TRPS1: variants seen among roughly 807,000 people sequenced by gnomAD.
The protein encoded by TRPS1 is transcriptional repressor GATA binding 1.
In TRPS1, 6 loss-of-function variants were observed where a neutral mutation model predicts 101.2. The ratio of observed to expected loss-of-function variants is 0.06; its 90% CI spans 0.03 to 0.12. The LOEUF is 0.12. Ranked by LOEUF, TRPS1 falls within the 10% of genes least tolerant of loss-of-function variation. The pLI is 1.00. For synonymous variants in TRPS1, 578 were observed against 589.8 expected, an observed-to-expected ratio of 0.98 and a Z score of 0.29; for missense variants, 1,363 against 1,567.0, an observed-to-expected ratio of 0.87 and a Z score of 2.20.
intron 5 of TRPS1, among the ~76,000 whole-genome samples, chr8:115,496,304 C>T (rs889272392): frequency 6.6e-6 from 1 of 152,144 alleles, no homozygotes; most frequent in Non-Finnish European, 1.5e-5. Context: ...CTCTTTTCAA[C>T]CAATGGGTTG....
chr8:115,413,905 G>A lies in TRPS1; in HGVS notation c.*118C>T, dbSNP rs1812847045. The A allele has an allele frequency of 1.0e-6, 1 of 988,688 alleles. No individual in the cohort carries two copies. Among genetic ancestry groups the A allele is most frequent in the African/African-American group, 1.7e-5 (1 of 60,550 alleles). The allele number at this position is 988,688 out of a possible 1,614,324, so 61.2% of individuals were successfully genotyped here. ...GAATAACAAAAGAAGGGAATTTCAT[G>A]TTGGATAAGGCAGGCTCTATGAAGT... On this transcript the variant is annotated 3_prime_UTR_variant, in exon 7 of 7. Transcript: ENST00000395715.
At position 115,433,424 on chromosome 8, in the gene TRPS1, T is replaced by C. The variant is rs115808696; in HGVS notation, c.2701-14972A>G. ...CTTTAGATAAATAGATAATATTTAG[T>C]ATTGCAACTAAATAATATTTAGTTT... On this transcript the variant is annotated intron_variant, in intron 5 of 6. Coordinates refer to ENST00000395715, the MANE Select transcript of TRPS1 (RefSeq NM_014112.5). Among the ~76,000 whole-genome samples, 370 of 152,216 alleles carry C rather than the reference T, an allele frequency of 2.4e-3. 3 individuals are homozygous for C. Among genetic ancestry groups the C allele is most frequent in the African/African-American group, 8.2e-3 (339 of 41,564 alleles).
chr8:115,584,674 G>A (rs1038115789), intron 5 of TRPS1, among the ~76,000 whole-genome samples: 1 of 150,846 alleles, frequency 6.6e-6, no homozygotes, highest in Non-Finnish European at 1.5e-5. Context: ...TTAGAGGTAG[G>A]TAATTCGGTA....
chr8:115,552,445 A>G (rs1816727209), intron 5 of TRPS1, among the ~76,000 whole-genome samples: 1 of 152,170 alleles, frequency 6.6e-6, no homozygotes. Context: ...CACATCATGA[A>G]AAAGCAATAA....
At chr8:115,451,773 A>G (rs1264301458) in intron 5 of TRPS1, among the ~76,000 whole-genome samples, 1 of 152,194 alleles carries the variant, frequency 6.6e-6, no homozygotes, top group African/African-American at 2.4e-5. Context: ...GTTATGATGT[A>G]TAGGCAATGA....
intron 1 of TRPS1, among the ~76,000 whole-genome samples, chr8:115,624,205 A>G (rs1818457259): frequency 6.6e-6 from 1 of 151,974 alleles, no homozygotes; most frequent in African/African-American, 2.4e-5. Context: ...TCATCCTACT[A>G]CATAGCAATA....
intron 5 of TRPS1, among the ~76,000 whole-genome samples, chr8:115,428,966 C>G (rs1205345067): frequency 6.6e-6 from 1 of 152,078 alleles, no homozygotes; most frequent in Non-Finnish European, 1.5e-5. Context: ...GTGAAACCGA[C>G]CATGAGCAGA....
intron 1 of TRPS1, among the ~76,000 whole-genome samples, chr8:115,648,845 T>C (rs1187076378): frequency 1.3e-5 from 2 of 152,134 alleles, no homozygotes; most frequent in African/African-American, 4.8e-5. Flanking sequence ...ACGCTTTCTT[T>C]TTTTTTTTCT....
At chr8:115,595,726 A>C (rs182614339) in intron 4 of TRPS1, among the ~76,000 whole-genome samples, 2 of 152,084 alleles carry the variant, frequency 1.3e-5, no homozygotes, top group East Asian at 3.9e-4. Flanking sequence ...ACAAATGTCA[A>C]TGGAATTGAA....
chr8:115,531,886 G>C (rs1331610762), intron 5 of TRPS1, among the ~76,000 whole-genome samples: 2 of 152,092 alleles, frequency 1.3e-5, no homozygotes, highest in African/African-American at 4.8e-5. Flanking sequence ...TTTCATAAAG[G>C]CTGAAGAAAT....
rs33922102 is a variant in TRPS1, at chr8:115,475,266, T to TTATATATATATATATA, written c.2701-56830_2701-56815dup. On this transcript the variant is annotated intron_variant, in intron 5 of 6. Transcript: ENST00000395715. ...TTTACTATATATTTTTGAATCACAG[T>TTATATATATATATATA]TATATATATATATATATATATATAT... Among the ~76,000 whole-genome samples, 215 of 123,932 alleles carry TTATATATATATATATA rather than the reference T, an allele frequency of 1.7e-3. 3 individuals are homozygous for TTATATATATATATATA. The highest frequency in any genetic ancestry group is 6.9e-3 in the African/African-American group (198 of 28,870). The allele number at this position is 123,932 out of a possible 152,430, so 81.3% of individuals were successfully genotyped here. A position where few individuals can be genotyped will look rare whatever the true frequency, so the allele number is the denominator to read the frequency against.
At chr8:115,509,413 G>A (rs1197242695) in intron 5 of TRPS1, among the ~76,000 whole-genome samples, 1 of 152,046 alleles carries the variant, frequency 6.6e-6, no homozygotes, top group Middle Eastern at 3.2e-3. Flanking sequence ...CAAGTGTGGG[G>A]AAGGGTTTGG....
Position 115,601,295 on chromosome 8 carries a change from C to T in TRPS1, c.2096+2578G>A, listed in dbSNP as rs141027953. 2.0e-4 allele frequency among the ~76,000 whole-genome samples: 31 copies of T among 152,234 alleles called. No individual in the cohort carries two copies. In the East Asian group the frequency reaches 4.2e-3, roughly 21 times the overall value. ...AACAAATTAAATTATAAAGATACTA[C>T]GTGATAAGGTAAACTTGTCCTCTTA... On this transcript the variant is annotated intron_variant, in intron 4 of 6. Transcript: ENST00000395715.
At chr8:115,605,621 A>C (rs1818017628) in intron 3 of TRPS1, among the ~76,000 whole-genome samples, 1 of 152,330 alleles carries the variant, frequency 6.6e-6, no homozygotes, top group East Asian at 1.9e-4. Context: ...ACTAGCAAAG[A>C]AGAACCGTGT....
intron 2 of TRPS1, among the ~76,000 whole-genome samples, chr8:115,621,874 C>T (rs187327312): frequency 2.6e-4 from 40 of 151,948 alleles, no homozygotes; most frequent in African/African-American, 9.4e-4. Context: ...CAAGATCATG[C>T]CATTGCACTC....
At chr8:115,487,160 T>C (rs971418753) in intron 5 of TRPS1, among the ~76,000 whole-genome samples, 2 of 152,190 alleles carry the variant, frequency 1.3e-5, no homozygotes, top group Non-Finnish European at 2.9e-5. Flanking sequence ...ACTCTGCCTG[T>C]TTTCTGTAAT....
rs567422374 is a variant in TRPS1 at position 115,632,982 on chromosome 8, A to G, written c.-121-9224T>C. On this transcript the variant is annotated intron_variant, in intron 1 of 6. Transcript: ENST00000395715. ...CTGTGCACTTTTCAGCTAAAGTTTA[A>G]GAGTGTGTGTGCGATTTTTCAGTGA... Among the ~76,000 whole-genome samples the G allele has an allele frequency of 5.5e-4, 83 of 152,246 alleles. 1 individual carries two copies. In the South Asian group the frequency reaches 0.016, roughly 30 times the overall value.
At chr8:115,664,858 C>A (rs1275573989) in intron 1 of TRPS1, among the ~76,000 whole-genome samples, 2 of 152,120 alleles carry the variant, frequency 1.3e-5, no homozygotes, top group Admixed American at 1.3e-4. Flanking sequence ...AAGGCAAATA[C>A]CAAGTGGAAA....
At chr8:115,615,522 C>A (rs1818257977) in intron 3 of TRPS1, among the ~76,000 whole-genome samples, 1 of 152,182 alleles carries the variant, frequency 6.6e-6, no homozygotes, top group South Asian at 2.1e-4. Flanking sequence ...GTAATCCCAG[C>A]ACTTTGGGAG....
Sources: allele counts gnomAD v4.1 joint callset (sites outside exome capture counted in the v4.1 genomes callset), GRCh38; gene constraint gnomAD v4.1.1; transcripts MANE v1.5; gene names NCBI Gene and HGNC (gene_info 2026-07-23, HGNC 2026-07-21).